The following SYCE2 variants were observed in gnomAD, a reference collection of about 807,000 sequenced individuals.
SYCE2 encodes central element synaptonemal complex 1.
A neutral mutation model predicts 27.9 loss-of-function variants in SYCE2; 3 were observed. The ratio of observed to expected loss-of-function variants is 0.11; its 90% CI spans 0.05 to 0.28. SYCE2 has a LOEUF of 0.28. Ranked by LOEUF, SYCE2 falls within the 10% of genes least tolerant of loss-of-function variation. SYCE2 has a pLI of 1.00. For synonymous variants in SYCE2, 85 were observed against 100.7 expected (o/e 0.84, Z 0.93); for missense variants, 207 against 263.5 (o/e 0.79, Z 1.48).
In SYCE2 at chr19:12,904,673, G is replaced by A; in HGVS notation, c.132-7C>T. 2 of 1,613,196 alleles carry A rather than the reference G, an allele frequency of 1.2e-6. No individual in the cohort carries two copies. Among genetic ancestry groups the A allele is most frequent in the Middle Eastern group, 1.8e-4 (1 of 5,538 alleles). ...CGTCAGCTGGCAACTGGCACTGGAG[G>A]TGGCGACACAAGGGCAAGAAACCTG... On this transcript the variant is annotated splice_region_variant and splice_polypyrimidine_tract_variant and intron_variant, in intron 2 of 5. Coordinates refer to ENST00000293695, the MANE Select transcript of SYCE2 (RefSeq NM_001105578.2).
At chr19:12,902,101 C>T (rs186786923) in intron 3 of SYCE2, among the ~76,000 whole-genome samples, 2 of 152,234 alleles carry the variant, frequency 1.3e-5, no homozygotes, top group East Asian at 1.9e-4. Context: ...TAAGTGCCTA[C>T]AGTATTCAGT....
chr19:12,918,009 C>T (rs936627820), intron 2 of SYCE2, among the ~76,000 whole-genome samples: 1 of 152,016 alleles, frequency 6.6e-6, no homozygotes, highest in Non-Finnish European at 1.5e-5. Flanking sequence ...CTAGTCCCAG[C>T]CATTTCGGAG....
In SYCE2 at chr19:12,919,268, CCCG is replaced by C. The variant is rs771230891; in HGVS notation, c.-14_-12del. 1.1e-4 allele frequency: 175 copies of C among 1,610,460 alleles called. No homozygotes were observed. The highest frequency in any genetic ancestry group is 2.2e-4 in the South Asian group (20 of 91,094). ...TCCCTGTCGCTCCATTCCGTATTTT[CCCG>C]CCTTCAAGCTCGCACCCTCTGCGCA... On this transcript the variant is annotated 5_prime_UTR_variant, in exon 1 of 6. Coordinates refer to ENST00000293695, the MANE Select transcript of SYCE2 (RefSeq NM_001105578.2).
intron 2 of SYCE2, among the ~76,000 whole-genome samples, chr19:12,910,748 G>A (rs1971030313): frequency 1.3e-5 from 2 of 151,154 alleles, no homozygotes; most frequent in African/African-American, 4.9e-5. Context: ...CACAATCTCG[G>A]CTCACTGCAA....
intron 5 of SYCE2, 85 bp downstream of exon 5, chr19:12,899,919 T>C (rs1241375387): frequency 2.5e-6 from 4 of 1,577,556 alleles, no homozygotes; most frequent in Non-Finnish European, 1.7e-6. Flanking sequence ...TGCCTTATGC[T>C]GGGTGTTGGA....
Position 12,899,993 on chromosome 19 carries a change from C to T in SYCE2, c.612+11G>A. 3.1e-6 allele frequency: 5 copies of T among 1,612,600 alleles called. No individual in the cohort carries two copies. The highest frequency in any genetic ancestry group is 3.4e-6 in the Non-Finnish European group (4 of 1,179,690). The stretch of plus-strand genomic sequence containing the variant: ...GACCCCAAGGTGTCAGGCCGGTTTA[C>T]TGGTAACCACCTGAGAAGTAGTTTC... On this transcript the variant is annotated intron_variant, in intron 5 of 5. Transcript: ENST00000293695.
At chr19:12,904,773 G>T in intron 2 of SYCE2, 107 bp from the exon 3 acceptor site, 1 of 1,302,930 alleles carries the variant, frequency 7.7e-7, no homozygotes, top group Non-Finnish European at 1.1e-6. Flanking sequence ...GGCCGAGGTG[G>T]GCGGATCACA....
At chr19:12,907,713 C>T (rs1970962617) in intron 2 of SYCE2, among the ~76,000 whole-genome samples, 1 of 152,154 alleles carries the variant, frequency 6.6e-6, no homozygotes, top group Non-Finnish European at 1.5e-5. Context: ...ATCGCTTGAA[C>T]CTGGGAGGCA....
At chr19:12,909,501 C>T (rs181316976) in intron 2 of SYCE2, among the ~76,000 whole-genome samples, 1 of 152,294 alleles carries the variant, frequency 6.6e-6, no homozygotes, top group Admixed American at 6.6e-5. Flanking sequence ...CAGCTTCTCT[C>T]TGTCCCTCTG....
At chr19:12,905,687 C>T (rs1297647570) in intron 2 of SYCE2, among the ~76,000 whole-genome samples, 1 of 151,870 alleles carries the variant, frequency 6.6e-6, no homozygotes, top group African/African-American at 2.4e-5. Context: ...TCTCTGTTGC[C>T]CAGGCTGGAG....
At chr19:12,912,506 G>C (rs1481322590) in intron 2 of SYCE2, among the ~76,000 whole-genome samples, 1 of 152,176 alleles carries the variant, frequency 6.6e-6, no homozygotes, top group Non-Finnish European at 1.5e-5. Flanking sequence ...GCACCCCAAA[G>C]GTTTCATCAG....
At chr19:12,906,628 G>A (rs1970938108) in intron 2 of SYCE2, among the ~76,000 whole-genome samples, 1 of 152,164 alleles carries the variant, frequency 6.6e-6, no homozygotes, top group Admixed American at 6.6e-5. Context: ...CAGAACTGGG[G>A]CCGGGCGCGG....
intron 2 of SYCE2, 38 bp downstream of exon 2, chr19:12,918,184 G>A (rs748373363): frequency 6.5e-7 from 1 of 1,548,630 alleles, no homozygotes; most frequent in Non-Finnish European, 8.9e-7. Flanking sequence ...AGGGACCCAG[G>A]GGCCTGTGTA....
At chr19:12,916,953 T>C (rs1286314826) in intron 2 of SYCE2, among the ~76,000 whole-genome samples, 3 of 152,072 alleles carry the variant, frequency 2.0e-5, no homozygotes, top group Non-Finnish European at 4.4e-5. Flanking sequence ...TTTCACCATG[T>C]GGGCCAGGCT....
chr19:12,919,198 C>A, intron 1 of SYCE2, 45 bp downstream of exon 1: 2 of 1,607,192 alleles, frequency 1.2e-6, no homozygotes, highest in South Asian at 1.1e-5. Flanking sequence ...CCCTGCCTAT[C>A]TGTCCGCCCG....
intron 2 of SYCE2, among the ~76,000 whole-genome samples, chr19:12,909,872 T>C (rs1162798423): frequency 6.6e-6 from 1 of 151,670 alleles, no homozygotes; most frequent in Non-Finnish European, 1.5e-5. Context: ...AGCCTTTTTA[T>C]TTATTTGTTT....
At chr19:12,899,739 T>C (rs1568431444) in intron 5 of SYCE2, 2 of 1,611,890 alleles carry the variant, frequency 1.2e-6, no homozygotes, top group Non-Finnish European at 1.7e-6. Context: ...TGGAATTCTC[T>C]GTAGAGCGTC....
chr19:12,917,504 A>G (rs1267700707), intron 2 of SYCE2, among the ~76,000 whole-genome samples: 2 of 151,960 alleles, frequency 1.3e-5, no homozygotes, highest in African/African-American at 2.4e-5. Context: ...CTGGGACTAC[A>G]GGCGTGCACC....
At position 12,899,322 on chromosome 19, in the gene SYCE2, G is replaced by C. The variant is rs761215274; in HGVS notation, c.*19C>G. 7 of 1,609,834 alleles carry C rather than the reference G, an allele frequency of 4.3e-6. No individual in the cohort carries two copies. The highest frequency in any genetic ancestry group is 2.2e-5 in the South Asian group (2 of 91,020). On this transcript the variant is annotated 3_prime_UTR_variant, in exon 6 of 6. Transcript: ENST00000293695. ...TTCTCCTGGAGACTGTCACTAAGGC[G>C]TGAGTCTCCCGGCAGCTGTCAGCAT...
Sources: gnomAD v4.1 joint callset for allele counts (sites outside exome capture counted in the v4.1 genomes callset) on GRCh38, gnomAD v4.1.1 for gene constraint, MANE v1.5 for transcripts, NCBI Gene and HGNC (gene_info 2026-07-23, HGNC 2026-07-21) for gene names.